The following MORN1 variants were observed in gnomAD, a reference collection of about 807,000 sequenced individuals.
MORN1 encodes the protein MORN repeat containing 1.
A neutral mutation model predicts 61.9 loss-of-function variants in MORN1; 67 were observed. The observed-to-expected ratio is 1.08, with a 90% CI of 0.89 to 1.33. The LOEUF is 1.33. Among genes scored for constraint, MORN1 ranks in the 40% most tolerant of loss-of-function variants. MORN1 has a pLI of 0.00. For missense variants in MORN1, 752 were observed against 691.2 expected, an observed-to-expected ratio of 1.09 and a Z score of -0.99; for synonymous variants, 301 against 292.0, an observed-to-expected ratio of 1.03 and a Z score of -0.31.
chr1:2,327,443 G>A (rs1319408534), intron 12 of MORN1, among the ~76,000 whole-genome samples: 1 of 151,052 alleles, frequency 6.6e-6, no homozygotes, highest in African/African-American at 2.4e-5. Context: ...CAGCGACGCA[G>A]AAACACAGCA....
At chr1:2,384,605 G>A (rs564481758) in intron 6 of MORN1, among the ~76,000 whole-genome samples, 22 of 152,298 alleles carry the variant, frequency 1.4e-4, no homozygotes, top group Admixed American at 7.8e-4. Flanking sequence ...GGCTCCCATC[G>A]GTGGAGAAGG....
At chr1:2,388,196 G>A (rs1642551395) in intron 3 of MORN1, 43 bp downstream of exon 3, 1 of 1,500,378 alleles carries the variant, frequency 6.7e-7, no homozygotes, top group African/African-American at 1.4e-5. Flanking sequence ...AGCCCGATGG[G>A]TTATGAGAAA....
intron 6 of MORN1, among the ~76,000 whole-genome samples, chr1:2,380,204 TG>T (rs1447219899): frequency 6.6e-6 from 1 of 152,138 alleles, no homozygotes; most frequent in East Asian, 1.9e-4. Flanking sequence ...AGTGGAACAG[TG>T]GCTGCCAGGG....
intron 8 of MORN1, among the ~76,000 whole-genome samples, chr1:2,364,598 C>T (rs1641962544): frequency 6.6e-6 from 1 of 150,600 alleles, no homozygotes; most frequent in Non-Finnish European, 1.5e-5. Flanking sequence ...GCTTTTGTTG[C>T]CATTGCTTTC....
chr1:2,339,355 C>G (rs767737638), intron 10 of MORN1, among the ~76,000 whole-genome samples: 17 of 152,312 alleles, frequency 1.1e-4, no homozygotes, highest in Middle Eastern at 3.4e-3. Context: ...GACTGCCTGA[C>G]CATGAGAGAC....
chr1:2,355,752 A>T (rs1479834839), intron 10 of MORN1, among the ~76,000 whole-genome samples: 1 of 152,200 alleles, frequency 6.6e-6, no homozygotes, highest in Non-Finnish European at 1.5e-5. Flanking sequence ...CCCGGGAGAA[A>T]GGGCCCTGGC....
At chr1:2,349,162 T>C (rs1282958601) in intron 10 of MORN1, among the ~76,000 whole-genome samples, 1 of 152,178 alleles carries the variant, frequency 6.6e-6, no homozygotes. Flanking sequence ...CTTGATGGCT[T>C]TGGGACTGAA....
chr1:2,390,341 G>A, intron 1 of MORN1: 2 of 879,030 alleles, frequency 2.3e-6, no homozygotes, highest in Non-Finnish European at 2.7e-6. Flanking sequence ...CAGGAGATGA[G>A]TGAGCCAGGG....
At chr1:2,345,195 C>T (rs570521888) in intron 10 of MORN1, among the ~76,000 whole-genome samples, 11 of 152,378 alleles carry the variant, frequency 7.2e-5, no homozygotes, top group East Asian at 3.9e-4. Context: ...CACATGTGCC[C>T]GCACCCTCGC....
intron 1 of MORN1, chr1:2,390,561 C>T (rs1205106507): frequency 2.0e-6 from 2 of 985,278 alleles, no homozygotes; most frequent in East Asian, 1.1e-4. Context: ...TCCCTCCCTA[C>T]CAGCTCCTCA....
chr1:2,346,855 A>C (rs114893259), intron 10 of MORN1, among the ~76,000 whole-genome samples: 6,083 of 152,032 alleles, frequency 0.04, 400 homozygotes, highest in African/African-American at 0.14. Context: ...TGCCCTGGGG[A>C]GCAGGAGCTG....
At position 2,374,549 on chromosome 1, in the gene MORN1, C is replaced by A; in HGVS notation, c.546G>T (p.Trp182Cys). ...CADGSTYKGQ[W>C]HSDVFSGLGS... ...CCAGTCCACTGAAGACGTCGCTGTG[C>A]CACTGTCCCTGCAGAGAGAAGGGTG... is the stretch of plus-strand genomic sequence containing the variant. The change falls in exon 7 of 14, where the codon TGG becomes TGT. Residue 182 changes from tryptophan to cysteine, a missense_variant. Trp to Cys is a radical substitution (Grantham distance 215, BLOSUM62 -2). Transcript: ENST00000378531. 6.3e-7 allele frequency: 1 copy of A among 1,590,980 alleles called. No homozygotes were observed. Among genetic ancestry groups the A allele is most frequent in the Admixed American group, 1.8e-5 (1 of 55,838 alleles).
intron 6 of MORN1, among the ~76,000 whole-genome samples, chr1:2,380,409 C>A (rs539704274): frequency 4.3e-4 from 66 of 152,320 alleles, no homozygotes; most frequent in African/African-American, 1.5e-3. Context: ...GGGGCCAAGG[C>A]AGAAGCACTT....
At position 2,385,835 on chromosome 1, in the gene MORN1, T is replaced by A; in HGVS notation, c.421A>T (p.Arg141Trp). Residue 141 changes from arginine (R) to tryptophan (W), a missense_variant, in exon 5 of 14, where the codon AGG becomes TGG. Arg to Trp is a moderately radical substitution (Grantham distance 101). Coordinates refer to ENST00000378531, the MANE Select transcript of MORN1 (RefSeq NM_024848.3). ...VYQGSFHDNK[R>W]HGPGQMLFQN... The stretch of plus-strand genomic sequence containing the variant: ...AAGAGCATCTGCCCAGGGCCGTGCC[T>A]CTTGTTGTCATGGAAGGAGCCCTGG... The A allele has an allele frequency of 6.2e-7, 1 of 1,613,888 alleles. No individual in the cohort carries two copies. The highest frequency in any genetic ancestry group is 1.1e-5 in the South Asian group (1 of 91,080).
intron 12 of MORN1, chr1:2,332,482 C>T: frequency 2.6e-6 from 1 of 389,276 alleles, no homozygotes; most frequent in Non-Finnish European, 5.2e-6. Context: ...CTCCCATTGT[C>T]CCCCTCGGCA....
chr1:2,326,637 G>C (rs1569908973), intron 12 of MORN1: 4 of 152,360 alleles, frequency 2.6e-5, no homozygotes, highest in African/African-American at 9.6e-5. Context: ...TGCGGGTGCT[G>C]GTCCCTCACT....
rs1642138915 is a variant in MORN1, at chr1:2,372,239, A to G, written c.745+242T>C. The G allele has an allele frequency of 1.7e-5, 8 of 482,534 alleles. No individual in the cohort carries two copies. Among genetic ancestry groups the G allele is most frequent in the African/African-American group, 3.9e-5 (2 of 51,004 alleles). The allele number at this position is 482,534 out of a possible 1,614,324, so 29.9% of individuals were successfully genotyped here. A position where few individuals can be genotyped will look rare whatever the true frequency, so the allele number is the denominator to read the frequency against. ...GTGCAAGGCATACACACATATGCAC[A>G]CACATACAGGAGCACGCACATCACA... On this transcript the variant is annotated intron_variant, in intron 8 of 13. Transcript: ENST00000378531. The surrounding 1 kb of genome is among the most constrained non-coding windows in gnomAD (Gnocchi z 5.4).
chr1:2,390,605 G>A (rs1642626967), intron 1 of MORN1: 1 of 985,300 alleles, frequency 1.0e-6, no homozygotes, highest in South Asian at 4.7e-5. Flanking sequence ...ATGGGAAAAT[G>A]TCGGGGAGGA....
chr1:2,374,793 AG>A (rs1383820023), intron 6 of MORN1: 1 of 504,046 alleles, frequency 2.0e-6, no homozygotes, highest in African/African-American at 1.9e-5. Context: ...TAACGATGCC[AG>A]GAGGTATGGG....
Sources: gnomAD v4.1 joint callset for allele counts (sites outside exome capture counted in the v4.1 genomes callset) on GRCh38, gnomAD v4.1.1 for gene constraint, Gnocchi (gnomAD v3.1) non-coding constraint, MANE v1.5 for transcripts, NCBI Gene and HGNC (gene_info 2026-07-23, HGNC 2026-07-21) for gene names.